Variants in MKNK2 observed in about 807,000 individuals in gnomAD.
The protein encoded by MKNK2 is MAPK interacting serine/threonine kinase 2, also known as MAP kinase-interacting serine/threonine-protein kinase 2.
In MKNK2, 54 loss-of-function variants were observed where a neutral mutation model predicts 55.0. The observed-to-expected ratio is 0.98, with a 90% CI of 0.79 to 1.23. The LOEUF is 1.23. Among genes scored for constraint, MKNK2 ranks in the 50% most tolerant of loss-of-function variants. The pLI is 0.00. For synonymous variants in MKNK2, 323 were observed against 256.0 expected (o/e 1.26, Z -2.50); for missense variants, 685 against 632.1 (o/e 1.08, Z -0.90).
In MKNK2 at chr19:2,040,351, G is replaced by A. The variant is rs902538844; in HGVS notation, c.1111-174C>T. 4 of 587,796 alleles carry A rather than the reference G, an allele frequency of 6.8e-6. No homozygotes were observed. In the African/African-American group the frequency reaches 7.6e-5, roughly 11 times the overall value. 36.4% of individuals were successfully genotyped at this position (587,796 alleles called of 1,614,324 possible). A position where few individuals can be genotyped will look rare whatever the true frequency, so the allele number is the denominator to read the frequency against. The stretch of plus-strand genomic sequence containing the variant: ...AAGCGCCCACCCCGAGGTCCCTATG[G>A]TGAGGCTCCATGTCCCCCTGCCCAG... On this transcript the variant is annotated intron_variant, in intron 12 of 13. Transcript: ENST00000250896.
rs1312385496 is a variant in MKNK2 at position 2,037,662 on chromosome 19, T to C, written c.*1951A>G. On this transcript the variant is annotated 3_prime_UTR_variant, in exon 14 of 14. Transcript: ENST00000250896. Reference sequence around the variant, plus strand: ...TTTTTTTTTTTGTCTTTTAAAAACATCGTAACATTAACACATGGCCGTTCA... The same window carrying C: ...TTTTTTTTTTTGTCTTTTAAAAACACCGTAACATTAACACATGGCCGTTCA... 3 of 781,034 alleles carry C rather than the reference T, an allele frequency of 3.8e-6. No homozygotes were observed. Among genetic ancestry groups the C allele is most frequent in the Non-Finnish European group, 5.5e-6 (3 of 550,172 alleles). 48.4% of individuals were successfully genotyped at this position (781,034 alleles called of 1,614,324 possible). A position where few individuals can be genotyped will look rare whatever the true frequency, so the allele number is the denominator to read the frequency against.
rs994799029 is a variant in MKNK2 at position 2,037,636 on chromosome 19, T to G, written c.*1977A>C. 4.4e-6 allele frequency: 4 copies of G among 909,120 alleles called. No homozygotes were observed. The highest frequency in any genetic ancestry group is 3.9e-4 in the Middle Eastern group (1 of 2,550). 56.3% of individuals were successfully genotyped at this position (909,120 alleles called of 1,614,324 possible). The stretch of plus-strand genomic sequence containing the variant: ...ACTTTAAAAAAACTTTTGAGGTTTT[T>G]TTTTTTTTTTTGTCTTTTAAAAACA... On this transcript the variant is annotated 3_prime_UTR_variant, in exon 14 of 14. Coordinates refer to ENST00000250896, the MANE Select transcript of MKNK2 (RefSeq NM_199054.3).
chr19:2,042,085 G>A (rs1249477456), intron 10 of MKNK2, 51 bp from the exon 11 acceptor site: 11 of 1,416,120 alleles, frequency 7.8e-6, no homozygotes, highest in Non-Finnish European at 1.0e-5. Flanking sequence ...CATTACGTGG[G>A]AACCGAGCCC....
At chr19:2,048,804 G>T (rs1377238329) in intron 2 of MKNK2, among the ~76,000 whole-genome samples, 1 of 152,032 alleles carries the variant, frequency 6.6e-6, no homozygotes, top group Non-Finnish European at 1.5e-5. Context: ...GAAGGGGGGG[G>T]CTCCAACTAG....
At position 2,038,325 on chromosome 19, in the gene MKNK2, C is replaced by T; in HGVS notation, c.*1288G>A. On this transcript the variant is annotated 3_prime_UTR_variant, in exon 14 of 14. Coordinates refer to ENST00000250896, the MANE Select transcript of MKNK2 (RefSeq NM_199054.3). ...CGGATTTAGAAGCCAGAGGGGCTGCCCCAGCTGTGGAGCTCGGGGGCTGCG... is the reference window on the plus strand; with the variant it reads ...CGGATTTAGAAGCCAGAGGGGCTGCTCCAGCTGTGGAGCTCGGGGGCTGCG... 1 of 986,610 alleles carries T rather than the reference C, an allele frequency of 1.0e-6. No individual in the cohort carries two copies. The highest frequency in any genetic ancestry group is 1.2e-6 in the Non-Finnish European group (1 of 830,510). 61.1% of individuals were successfully genotyped at this position (986,610 alleles called of 1,614,324 possible).
Position 2,039,734 on chromosome 19 carries a change from A to G in MKNK2, c.1277T>C (p.Leu426Pro), listed in dbSNP as rs761088207. The G allele has an allele frequency of 6.2e-7, 1 of 1,611,070 alleles. No individual in the cohort carries two copies. Among genetic ancestry groups the G allele is most frequent in the South Asian group, 1.1e-5 (1 of 91,068 alleles). ...EEAAGQGQPV[L>P]VRATSRCLQL... ...CAGGCAGCGTGAGGTAGCTCGGACCAGGACGGGCTGGCCCTGCCCCGCGGC... is the reference window on the plus strand; with the variant it reads ...CAGGCAGCGTGAGGTAGCTCGGACCGGGACGGGCTGGCCCTGCCCCGCGGC... The change falls in exon 14 of 14, where the codon CTG becomes CCG. Residue 426 changes from leucine to proline, a missense_variant. Leu to Pro is a moderately conservative substitution (Grantham distance 98, BLOSUM62 -3). Transcript: ENST00000250896.
chr19:2,037,661 A>T lies in MKNK2; in HGVS notation c.*1952T>A. 1 of 980,612 alleles carries T rather than the reference A, an allele frequency of 1.0e-6. No homozygotes were observed. The highest frequency in any genetic ancestry group is 1.4e-6 in the Non-Finnish European group (1 of 719,432). The allele number at this position is 980,612 out of a possible 1,614,324, so 60.7% of individuals were successfully genotyped here. A position where few individuals can be genotyped will look rare whatever the true frequency, so the allele number is the denominator to read the frequency against. ...TTTTTTTTTTTTGTCTTTTAAAAAC[A>T]TCGTAACATTAACACATGGCCGTTC... On this transcript the variant is annotated 3_prime_UTR_variant, in exon 14 of 14. Coordinates refer to ENST00000250896, the MANE Select transcript of MKNK2 (RefSeq NM_199054.3).
At chr19:2,043,626 T>G in intron 5 of MKNK2, 44 bp from the exon 6 acceptor site, 1 of 1,576,770 alleles carries the variant, frequency 6.3e-7, no homozygotes, top group Non-Finnish European at 8.7e-7. Flanking sequence ...GGTGGGACGC[T>G]CATAGTCGAG....
rs902638231 is a variant in MKNK2, at chr19:2,041,269, G to A, written c.946-65C>T. 20 of 1,540,578 alleles carry A rather than the reference G, an allele frequency of 1.3e-5. No individual in the cohort carries two copies. In the Middle Eastern group the frequency reaches 6.9e-4, roughly 53 times the overall value. On this transcript the variant is annotated intron_variant, in intron 11 of 13. Coordinates refer to ENST00000250896, the MANE Select transcript of MKNK2 (RefSeq NM_199054.3). ...GGGCCTGGATACTGTGCACTGACAC[G>A]TGGCTCCAACCGGACCCCAACCAGG... is the stretch of plus-strand genomic sequence containing the variant.
chr19:2,045,830 G>T (rs1461713526), intron 5 of MKNK2, among the ~76,000 whole-genome samples: 2 of 152,210 alleles, frequency 1.3e-5, no homozygotes, highest in Admixed American at 1.3e-4. Context: ...TGACACAGGG[G>T]GCTCTCACGG....
chr19:2,042,559 C>A, intron 9 of MKNK2, 37 bp from the exon 10 acceptor site: 1 of 1,577,528 alleles, frequency 6.3e-7, no homozygotes, highest in East Asian at 2.3e-5. Flanking sequence ...CCTGGGGTCC[C>A]ACGCGGTCCA....
At position 2,040,119 on chromosome 19, in the gene MKNK2, C is replaced by T; in HGVS notation, c.1154+15G>A. ...CCCTGGACTCAGGGGTCCCGAGCACCCCTGCGGGCCTTACCTCTGCAGGAC... is the reference window on the plus strand; with the variant it reads ...CCCTGGACTCAGGGGTCCCGAGCACTCCTGCGGGCCTTACCTCTGCAGGAC... On this transcript the variant is annotated intron_variant, in intron 13 of 13. Coordinates refer to ENST00000250896, the MANE Select transcript of MKNK2 (RefSeq NM_199054.3). 6.3e-7 allele frequency: 1 copy of T among 1,586,180 alleles called. No individual in the cohort carries two copies. Among genetic ancestry groups the T allele is most frequent in the Non-Finnish European group, 8.6e-7 (1 of 1,167,724 alleles).
chr19:2,039,426 T>G lies in MKNK2; in HGVS notation c.*187A>C, dbSNP rs1291769688. 38 of 1,366,976 alleles carry G rather than the reference T, an allele frequency of 2.8e-5. No individual in the cohort carries two copies. The highest frequency in any genetic ancestry group is 1.1e-4 in the South Asian group (6 of 54,910). The allele number at this position is 1,366,976 out of a possible 1,614,324, so 84.7% of individuals were successfully genotyped here. ...CAAAGGAAAAAATAACGGGGAGGGG[T>G]GGAAACAGGAAAAAAAAAACCCAAA... On this transcript the variant is annotated 3_prime_UTR_variant, in exon 14 of 14. Coordinates refer to ENST00000250896, the MANE Select transcript of MKNK2 (RefSeq NM_199054.3).
At chr19:2,046,128 C>A (rs2016990053) in intron 5 of MKNK2, 58 bp downstream of exon 5, 11 of 1,526,130 alleles carry the variant, frequency 7.2e-6, no homozygotes, top group Non-Finnish European at 9.9e-6. Flanking sequence ...ACTGTTTCCA[C>A]CCCCGCTCAA....
intron 1 of MKNK2, 65 bp from the exon 2 acceptor site, chr19:2,051,012 G>GGGCGGGGGC (rs1568241628): frequency 2.4e-6 from 1 of 408,540 alleles, no homozygotes; most frequent in African/African-American, 2.1e-5. Flanking sequence ...AGCGCGGACC[G>GGGCGGGGGC]GGCGGGGGCG....
At chr19:2,046,128 C>T in intron 5 of MKNK2, 58 bp downstream of exon 5, 7 of 1,526,130 alleles carry the variant, frequency 4.6e-6, no homozygotes, top group South Asian at 2.2e-5. Context: ...ACTGTTTCCA[C>T]CCCCGCTCAA....
In MKNK2 at chr19:2,041,202, G is replaced by C. The variant is rs761966005; in HGVS notation, c.948C>G (p.Asn316Lys). 32 of 1,612,084 alleles carry C rather than the reference G, an allele frequency of 2.0e-5. No homozygotes were observed. The highest frequency in any genetic ancestry group is 2.7e-5 in the Non-Finnish European group (32 of 1,178,638). ...CCTCCTGGATGCTCTCAAACAGCAT[G>C]TTCTGGGGACATAGAACACAGGGGA... The part of the protein sequence containing the change: ...DRGEACPACQ[N>K]MLFESIQEGK... The change falls in exon 12 of 14, where the codon AAC (asparagine) becomes AAG (lysine). Residue 316 changes from asparagine (N) to lysine (K), a missense_variant and splice_region_variant. Coordinates refer to ENST00000250896, the MANE Select transcript of MKNK2 (RefSeq NM_199054.3).
Position 2,039,708 on chromosome 19 carries a change from G to A in MKNK2, c.1303C>T (p.Gln435Ter), listed in dbSNP as rs754697835. The A allele has an allele frequency of 1.9e-6, 3 of 1,612,502 alleles. No individual in the cohort carries two copies. The East Asian group carries it at 6.7e-5, about 36-fold the overall frequency. ...VLVRATSRCLQLSPPSQSKLA... is the reference protein window; with the variant it reads ...VLVRATSRCL ...TTGGACTGGGAGGGTGGAGACAGCT[G>A]CAGGCAGCGTGAGGTAGCTCGGACC... Residue 435 changes from glutamine to a stop codon, truncating the protein, a stop_gained, in exon 14 of 14, where the codon CAG (glutamine) becomes TAG (stop). Transcript: ENST00000250896. LOFTEE classifies it high-confidence loss of function.
chr19:2,051,134 G>A lies in MKNK2; in HGVS notation c.-135C>T, dbSNP rs909176969. The A allele has an allele frequency of 4.2e-4, 74 of 177,360 alleles. No individual in the cohort carries two copies. Among genetic ancestry groups the A allele is most frequent in the African/African-American group, 1.7e-3 (71 of 42,056 alleles). The allele number at this position is 177,360 out of a possible 1,614,324, so 11.0% of individuals were successfully genotyped here. On this transcript the variant is annotated 5_prime_UTR_variant, in exon 1 of 14. Coordinates refer to ENST00000250896, the MANE Select transcript of MKNK2 (RefSeq NM_199054.3). The stretch of plus-strand genomic sequence containing the variant: ...GGGCCGGGGCCGCAGTGCCGCCGCC[G>A]CCCCACGTCGCGCAGCCCGGACCCC...
Sources: gnomAD v4.1 joint callset for allele counts (sites outside exome capture counted in the v4.1 genomes callset) on GRCh38, gnomAD v4.1.1 for gene constraint, MANE v1.5 for transcripts, NCBI Gene and HGNC (gene_info 2026-07-23, HGNC 2026-07-21) for gene names.